RPS6KA5: variants seen among roughly 807,000 people sequenced by gnomAD.
RPS6KA5 encodes the protein ribosomal protein S6 kinase A5, also known as ribosomal protein S6 kinase alpha-5.
Under a neutral mutation model 85.5 loss-of-function variants are expected in RPS6KA5, and 27 were observed. That is an observed-to-expected ratio of 0.32 (90% CI 0.23 to 0.44). The LOEUF (loss-of-function observed/expected upper bound fraction) is 0.44. Ranked by LOEUF, RPS6KA5 falls within the 20% of genes least tolerant of loss-of-function variation. The pLI, the probability that RPS6KA5 is intolerant of heterozygous loss-of-function variation, is 1.00. For missense variants in RPS6KA5, 811 were observed against 980.9 expected (o/e 0.83, Z 2.31); for synonymous variants, 334 against 348.2 (o/e 0.96, Z 0.46).
At chr14:90,922,500 G>A (rs918504592) in intron 6 of RPS6KA5, among the ~76,000 whole-genome samples, 1 of 152,216 alleles carries the variant, frequency 6.6e-6, no homozygotes, top group Non-Finnish European at 1.5e-5. Flanking sequence ...CCAGGCTGGA[G>A]TGCAATGGCA....
intron 15 of RPS6KA5, among the ~76,000 whole-genome samples, chr14:90,874,805 T>G (rs1284606833): frequency 4.6e-5 from 7 of 151,392 alleles, no homozygotes; most frequent in Non-Finnish European, 1.0e-4. Context: ...ACTCTGTGAC[T>G]GGCTGCAGAA....
intron 1 of RPS6KA5, among the ~76,000 whole-genome samples, chr14:91,033,337 G>A (rs562702116): frequency 1.3e-4 from 20 of 152,254 alleles, no homozygotes; most frequent in South Asian, 4.2e-4. Context: ...CTGTTGGGCC[G>A]GGCACTGTGG....
At chr14:90,959,206 T>A (rs1566793659) in intron 3 of RPS6KA5, among the ~76,000 whole-genome samples, 1 of 152,166 alleles carries the variant, frequency 6.6e-6, no homozygotes, top group Non-Finnish European at 1.5e-5. Context: ...GTAGTGTACA[T>A]CATCTACTGC....
Position 91,052,285 on chromosome 14 carries a change from TAAAAAAAAAAAAAAA to T in RPS6KA5, c.103+8032_103+8046del, listed in dbSNP as rs57523052. On this transcript the variant is annotated intron_variant, in intron 1 of 16. Coordinates refer to ENST00000614987, the MANE Select transcript of RPS6KA5 (RefSeq NM_004755.4). ...CAACATGGCAAAACCCCATCTCTAC[TAAAAAAAAAAAAAAA>T]AAAAAAAAAAAAAAAAAATTACCTG... The T allele has an allele frequency of 7.5e-3, 1,591 of 212,758 alleles. 2 individuals are homozygous for T. Among genetic ancestry groups the T allele is most frequent in the Middle Eastern group, 0.011 (6 of 524 alleles). The allele number at this position is 212,758 out of a possible 1,614,324, so 13.2% of individuals were successfully genotyped here. A position where few individuals can be genotyped will look rare whatever the true frequency, so the allele number is the denominator to read the frequency against.
chr14:91,025,286 T>A (rs1158175429), intron 1 of RPS6KA5, among the ~76,000 whole-genome samples: 2 of 152,214 alleles, frequency 1.3e-5, no homozygotes, highest in Non-Finnish European at 2.9e-5. Flanking sequence ...TCAGGTGATC[T>A]GCCGGCCTCA....
chr14:91,059,927 G>A (rs1001565248), intron 1 of RPS6KA5: 3 of 625,398 alleles, frequency 4.8e-6, no homozygotes, highest in South Asian at 7.0e-5. Flanking sequence ...GGGCGGAGGA[G>A]GGAGACACTC....
At chr14:91,049,144 T>G (rs1046003541) in intron 1 of RPS6KA5, among the ~76,000 whole-genome samples, 2 of 152,242 alleles carry the variant, frequency 1.3e-5, no homozygotes, top group African/African-American at 4.8e-5. Context: ...TCTTAATCTC[T>G]AAAATTCATG....
Position 91,060,557 on chromosome 14 carries a change from G to A in RPS6KA5, c.-123C>T, listed in dbSNP as rs977847205. 36 of 1,160,724 alleles carry A rather than the reference G, an allele frequency of 3.1e-5. No homozygotes were observed. The highest frequency in any genetic ancestry group is 2.2e-4 in the Admixed American group (5 of 23,066). The allele number at this position is 1,160,724 out of a possible 1,614,324, so 71.9% of individuals were successfully genotyped here. ...CGGGGTGCGGCGGCTCCAGAACTCG[G>A]ACGCAAAGACGAGTCTCTTTCCCGC... On this transcript the variant is annotated 5_prime_UTR_variant, in exon 1 of 17. Coordinates refer to ENST00000614987, the MANE Select transcript of RPS6KA5 (RefSeq NM_004755.4).
At chr14:90,919,643 C>G (rs2036296526) in intron 7 of RPS6KA5, among the ~76,000 whole-genome samples, 1 of 152,076 alleles carries the variant, frequency 6.6e-6, no homozygotes, top group Non-Finnish European at 1.5e-5. Flanking sequence ...CTTACTCTCA[C>G]AGAGCTTACA....
chr14:91,019,312 C>A (rs1287017941), intron 1 of RPS6KA5, among the ~76,000 whole-genome samples: 1 of 152,154 alleles, frequency 6.6e-6, no homozygotes, highest in African/African-American at 2.4e-5. Context: ...TTGAGTAAAG[C>A]AGATTGCCCT....
intron 3 of RPS6KA5, among the ~76,000 whole-genome samples, chr14:90,953,106 C>T (rs765547533): frequency 3.9e-5 from 6 of 152,120 alleles, no homozygotes; most frequent in Non-Finnish European, 7.3e-5. Context: ...AGAGATGTTG[C>T]GAGAAATCAG....
At chr14:91,035,121 A>G (rs1301146388) in intron 1 of RPS6KA5, among the ~76,000 whole-genome samples, 2 of 152,044 alleles carry the variant, frequency 1.3e-5, no homozygotes, top group Non-Finnish European at 2.9e-5. Flanking sequence ...TGATAATTTG[A>G]GCTAAGCCTT....
intron 2 of RPS6KA5, among the ~76,000 whole-genome samples, chr14:90,979,014 G>A (rs2039684602): frequency 6.6e-6 from 1 of 152,178 alleles, no homozygotes; most frequent in African/African-American, 2.4e-5. Context: ...AACATAAGCT[G>A]ACATTATATG....
intron 3 of RPS6KA5, among the ~76,000 whole-genome samples, chr14:90,951,048 G>A (rs1292747800): frequency 6.7e-6 from 1 of 150,336 alleles, no homozygotes; most frequent in African/African-American, 2.5e-5. Flanking sequence ...TGAACCGGGA[G>A]GCAGAGGTTG....
rs369868780 is a variant in RPS6KA5 at position 90,875,286 on chromosome 14, G to A, written c.1911C>T (p.Ile637=). The change falls in exon 15 of 17, where the codon ATC becomes ATT. Residue 637 remains isoleucine (I), a synonymous_variant. Transcript: ENST00000614987. The part of the protein sequence containing the change: ...RSLTCTSAVE[I]MKKIKKGDFS... Reference sequence around the variant, plus strand: ...AATCTCCCTTTTTAATTTTCTTCATGATTTCCACCGCGCTGGTACACGTCA... The same window carrying A: ...AATCTCCCTTTTTAATTTTCTTCATAATTTCCACCGCGCTGGTACACGTCA... 17 of 1,613,864 alleles carry A rather than the reference G, an allele frequency of 1.1e-5. No individual in the cohort carries two copies. The highest frequency in any genetic ancestry group is 1.3e-5 in the Non-Finnish European group (15 of 1,179,870).
At chr14:91,026,245 C>T (rs2041986504) in intron 1 of RPS6KA5, among the ~76,000 whole-genome samples, 2 of 151,916 alleles carry the variant, frequency 1.3e-5, no homozygotes, top group Admixed American at 1.3e-4. Context: ...CTCTGTTGCC[C>T]TGGATTTTTT....
intron 1 of RPS6KA5, among the ~76,000 whole-genome samples, chr14:91,004,553 G>A (rs569339613): frequency 1.4e-4 from 21 of 152,198 alleles, no homozygotes; most frequent in African/African-American, 4.1e-4. Context: ...TATAGTTAAC[G>A]TATTTTTAAA....
intron 5 of RPS6KA5, among the ~76,000 whole-genome samples, chr14:90,923,808 C>A (rs1036097165): frequency 1.3e-5 from 2 of 152,014 alleles, no homozygotes; most frequent in African/African-American, 4.8e-5. Context: ...AAGATTATTT[C>A]TTAAAGATAG....
chr14:90,920,065 A>G, intron 7 of RPS6KA5, 141 bp downstream of exon 7: 1 of 694,184 alleles, frequency 1.4e-6, no homozygotes, highest in Non-Finnish European at 2.6e-6. Context: ...ATGCCATATG[A>G]TAGAAATGAA....
Sources: gnomAD v4.1 joint callset for allele counts (sites outside exome capture counted in the v4.1 genomes callset) on GRCh38, gnomAD v4.1.1 for gene constraint, MANE v1.5 for transcripts, NCBI Gene and HGNC (gene_info 2026-07-23, HGNC 2026-07-21) for gene names.